LRRK1: variants seen among roughly 807,000 people sequenced by gnomAD.
LRRK1 encodes the protein leucine rich repeat kinase 1.
LRRK1 carries 113 observed loss-of-function variants against 209.1 expected under a neutral mutation model. The observed-to-expected ratio is 0.54, with a 90% CI of 0.46 to 0.63. The LOEUF is 0.63. Ranked by LOEUF, LRRK1 falls within the 30% of genes least tolerant of loss-of-function variation. The probability of loss-of-function intolerance (pLI) is 0.00; values close to 1 mark genes in which losing one functional copy is unlikely to be tolerated. For missense variants in LRRK1, 2,284 were observed against 2,632.2 expected, an observed-to-expected ratio of 0.87 and a Z score of 2.89; for synonymous variants, 1,144 against 1,099.7, an observed-to-expected ratio of 1.04 and a Z score of -0.80.
chr15:100,925,358 AT>A, intron 2 of LRRK1, among the ~76,000 whole-genome samples: 1 of 152,346 alleles, frequency 6.6e-6, no homozygotes, highest in East Asian at 1.9e-4. Context: ...AAAATGATTC[AT>A]AAATTGGGCA....
chr15:101,072,214 C>A lies in LRRK1; in HGVS notation c.*3366C>A, dbSNP rs1202059103. The A allele has an allele frequency of 1.3e-5, 2 of 152,230 alleles. No individual in the cohort carries two copies. Among genetic ancestry groups the A allele is most frequent in the Non-Finnish European group, 2.9e-5 (2 of 68,040 alleles). The allele number at this position is 152,230 out of a possible 1,614,324, so 9.4% of individuals were successfully genotyped here. ...TTTCAAATGCACATACCCTCTGACC[C>A]AGCAGTTCCACTTAAGTATTTGGTC... On this transcript the variant is annotated 3_prime_UTR_variant, in exon 34 of 34. Coordinates refer to ENST00000388948, the MANE Select transcript of LRRK1 (RefSeq NM_024652.6).
Position 101,044,246 on chromosome 15 carries a change from A to ACAGTTTTAAGCCTTTGTGCTTCTTT in LRRK1, c.2964-1731_2964-1707dup, listed in dbSNP as rs1336619873. On this transcript the variant is annotated intron_variant, in intron 20 of 33. Transcript: ENST00000388948. The stretch of plus-strand genomic sequence containing the variant: ...TCCATGAACTCCCTGGAAGTACCAT[A>ACAGTTTTAAGCCTTTGTGCTTCTTT]CAGTTTTAAGCCTTTGTGCTTCTTT... 21 of 152,314 alleles carry ACAGTTTTAAGCCTTTGTGCTTCTTT rather than the reference A, an allele frequency of 1.4e-4. 2 individuals are homozygous for ACAGTTTTAAGCCTTTGTGCTTCTTT. The highest frequency in any genetic ancestry group is 4.6e-4 in the Admixed American group (7 of 15,296). The allele number at this position is 152,314 out of a possible 1,614,324, so 9.4% of individuals were successfully genotyped here.
At chr15:101,054,140 T>TTTG (rs532826598) in intron 26 of LRRK1, among the ~76,000 whole-genome samples, 1 of 152,056 alleles carries the variant, frequency 6.6e-6, no homozygotes, top group Non-Finnish European at 1.5e-5. Flanking sequence ...ACCCAGCTAA[T>TTTG]TTGTTGTTGT....
In LRRK1 at chr15:101,062,717, C is replaced by CA. The variant is rs750053643; in HGVS notation, c.4914+28dup. 2.6e-6 allele frequency: 4 copies of CA among 1,528,040 alleles called. No individual in the cohort carries two copies. In the African/African-American group the frequency reaches 5.5e-5, roughly 21 times the overall value. The allele number at this position is 1,528,040 out of a possible 1,614,324, so 94.7% of individuals were successfully genotyped here. ...TGAGGTCGGGGCAAAGGCAGGTATG[C>CA]AGGTCTCTGATGCACTTCCACGCCT... On this transcript the variant is annotated intron_variant, in intron 31 of 33. Transcript: ENST00000388948.
rs2036520882 is a variant in LRRK1, at chr15:101,066,162, G to C, written c.5725G>C (p.Ala1909Pro). The C allele has an allele frequency of 3.7e-6, 6 of 1,613,266 alleles. No homozygotes were observed. The highest frequency in any genetic ancestry group is 5.1e-6 in the Non-Finnish European group (6 of 1,179,602). Residue 1909 changes from alanine (A) to proline (P), a missense_variant, in exon 32 of 34, where the codon GCC becomes CCC. Ala to Pro is a conservative substitution (Grantham distance 27, BLOSUM62 -1). This residue lies in a region of LRRK1 where 643 missense variants were observed against 695.9 expected (regional missense o/e 0.92). Transcript: ENST00000388948. Reference protein sequence around the residue: ...DGETFSQHLQAVKILAVRDLI... With the variant: ...DGETFSQHLQPVKILAVRDLI... ...GGAGACCTTCAGCCAGCACCTGCAG[G>C]CCGTGAAGATCCTCGCCGTCAGAGA... is the stretch of plus-strand genomic sequence containing the variant.
chr15:100,983,853 C>A (rs763530899), intron 4 of LRRK1, 154 bp downstream of exon 4: 12 of 805,596 alleles, frequency 1.5e-5, no homozygotes, highest in Admixed American at 6.8e-5. Context: ...AGCTTGCCTG[C>A]CAGCCACATT....
rs1293161917 is a variant in LRRK1, at chr15:101,015,248, T to C, written c.1533-78T>C. On this transcript the variant is annotated intron_variant, in intron 11 of 33. Transcript: ENST00000388948. Reference sequence around the variant, plus strand: ...TGAATTGCTCCCTATCTCCGTGGCTTGGCATTATAACATCACAGCCAAAAG... The same window carrying C: ...TGAATTGCTCCCTATCTCCGTGGCTCGGCATTATAACATCACAGCCAAAAG... 2.6e-6 allele frequency: 3 copies of C among 1,152,270 alleles called. No individual in the cohort carries two copies. In the Admixed American group the frequency reaches 5.6e-5, roughly 21 times the overall value. The allele number at this position is 1,152,270 out of a possible 1,614,324, so 71.4% of individuals were successfully genotyped here. A position where few individuals can be genotyped will look rare whatever the true frequency, so the allele number is the denominator to read the frequency against.
intron 6 of LRRK1, among the ~76,000 whole-genome samples, chr15:101,007,690 G>T (rs1488262335): frequency 1.3e-5 from 2 of 152,198 alleles, no homozygotes; most frequent in Non-Finnish European, 2.9e-5. Context: ...AAGCTGGGGG[G>T]CCTCGCTGCA....
At chr15:101,034,782 GT>G (rs1330086083) in intron 20 of LRRK1, among the ~76,000 whole-genome samples, 1 of 151,516 alleles carries the variant, frequency 6.6e-6, no homozygotes, top group Non-Finnish European at 1.5e-5. Flanking sequence ...TTATTGATCT[GT>G]TCAGGTTTAC....
intron 2 of LRRK1, among the ~76,000 whole-genome samples, chr15:100,956,455 C>CTT (rs776326423): frequency 6.6e-5 from 4 of 60,516 alleles, no homozygotes; most frequent in African/African-American, 3.4e-4. Context: ...TTTTTTTTTT[C>CTT]TTTTTTTTTT....
chr15:100,948,018 G>A (rs1022946566), intron 2 of LRRK1, among the ~76,000 whole-genome samples: 33 of 152,138 alleles, frequency 2.2e-4, no homozygotes, highest in African/African-American at 7.2e-4. Flanking sequence ...GGCATCCACG[G>A]GGAATTCCAC....
Position 101,062,645 on chromosome 15 carries a change from T to C in LRRK1, c.4869T>C (p.Thr1623=), listed in dbSNP as rs530591377. Residue 1623 remains threonine (T), a synonymous_variant, in exon 31 of 34, where the codon ACT becomes ACC. Transcript: ENST00000388948. The part of the protein sequence containing the change: ...PLNTPQQALD[T]PAVVTCFLAV... ...ACACACCCCAACAGGCCTTGGATAC[T>C]CCAGCTGTCGTCACCTGCTTCTTGG... The C allele has an allele frequency of 1.2e-6, 2 of 1,614,188 alleles. No individual in the cohort carries two copies. Among genetic ancestry groups the C allele is most frequent in the African/African-American group, 2.7e-5 (2 of 75,054 alleles).
chr15:101,039,248 A>G (rs1352248163), intron 20 of LRRK1, among the ~76,000 whole-genome samples: 2 of 152,018 alleles, frequency 1.3e-5, no homozygotes, highest in Non-Finnish European at 2.9e-5. Context: ...TGAACATGGT[A>G]TATCTCTCAT....
chr15:101,016,860 G>A (rs2033562118), intron 12 of LRRK1, among the ~76,000 whole-genome samples: 1 of 152,188 alleles, frequency 6.6e-6, no homozygotes, highest in African/African-American at 2.4e-5. Context: ...GTTGCACAGG[G>A]GCTCGTGGTC....
intron 2 of LRRK1, among the ~76,000 whole-genome samples, chr15:100,942,789 T>C (rs1178913659): frequency 6.6e-6 from 1 of 152,146 alleles, no homozygotes; most frequent in Non-Finnish European, 1.5e-5. Flanking sequence ...AGGCTGACGA[T>C]GGGTGCCCGG....
intron 2 of LRRK1, among the ~76,000 whole-genome samples, chr15:100,928,583 C>T (rs772873010): frequency 2.6e-5 from 4 of 152,276 alleles, no homozygotes; most frequent in Admixed American, 6.5e-5. Flanking sequence ...TGGAAGATAA[C>T]GTGATTGAAA....
At position 101,039,604 on chromosome 15, in the gene LRRK1, G is replaced by A. The variant is rs549306354; in HGVS notation, c.2964-6377G>A. 4.6e-5 allele frequency among the ~76,000 whole-genome samples: 7 copies of A among 152,048 alleles called. No individual in the cohort carries two copies. The South Asian group carries it at 6.2e-4, about 14-fold the overall frequency. On this transcript the variant is annotated intron_variant, in intron 20 of 33. Transcript: ENST00000388948. ...TCTGTTTGCCTGATTGCATTGGCTC[G>A]GATCTCTAGCGAAGGTTTAAATAGA...
chr15:100,931,456 C>T (rs948012494), intron 2 of LRRK1, among the ~76,000 whole-genome samples: 3 of 152,154 alleles, frequency 2.0e-5, no homozygotes, highest in South Asian at 2.1e-4. Context: ...AGCCATGTTA[C>T]GATGCAAATT....
chr15:101,004,824 C>G (rs771581862), intron 6 of LRRK1, among the ~76,000 whole-genome samples: 4 of 152,198 alleles, frequency 2.6e-5, no homozygotes, highest in Non-Finnish European at 5.9e-5. Flanking sequence ...TAAGGACAGC[C>G]ACACCTAAGC....
Sources: allele counts gnomAD v4.1 joint callset (sites outside exome capture counted in the v4.1 genomes callset), GRCh38; gene constraint gnomAD v4.1.1; regional missense constraint gnomAD v4.1.1; transcripts MANE v1.5; gene names NCBI Gene and HGNC (gene_info 2026-07-23, HGNC 2026-07-21).